Variants in ASF1A observed in about 807,000 individuals in gnomAD.
The protein encoded by ASF1A is histone chaperone ASF1A.
ASF1A carries 5 observed loss-of-function variants against 22.0 expected under a neutral mutation model. The ratio of observed to expected loss-of-function variants is 0.23; its 90% CI spans 0.12 to 0.48. The LOEUF is 0.48. ASF1A is among the 20% of genes least tolerant of loss of function. ASF1A has a pLI of 0.99. For synonymous variants in ASF1A, 97 were observed against 86.7 expected, an observed-to-expected ratio of 1.12 and a Z score of -0.66; for missense variants, 137 against 240.6, an observed-to-expected ratio of 0.57 and a Z score of 2.85.
At chr6:118,903,988 C>CA (rs1779992829) in intron 2 of ASF1A, among the ~76,000 whole-genome samples, 1 of 151,938 alleles carries the variant, frequency 6.6e-6, no homozygotes, top group Non-Finnish European at 1.5e-5. Flanking sequence ...TGGCTGGAGA[C>CA]AAACTGAGAA....
intron 1 of ASF1A, among the ~76,000 whole-genome samples, chr6:118,897,809 T>A (rs1779531973): frequency 6.6e-6 from 1 of 151,668 alleles, no homozygotes; most frequent in Non-Finnish European, 1.5e-5. Flanking sequence ...GGCAGAGGAA[T>A]TAAATGAAAG....
At chr6:118,905,879 A>G (rs1432142375) in intron 3 of ASF1A, 51 bp downstream of exon 3, 3 of 1,386,142 alleles carry the variant, frequency 2.2e-6, no homozygotes, top group Non-Finnish European at 2.9e-6. Flanking sequence ...CAATTTTTAA[A>G]GCAGTTGCTA....
intron 1 of ASF1A, among the ~76,000 whole-genome samples, chr6:118,896,525 G>C (rs574266445): frequency 6.6e-6 from 1 of 152,264 alleles, no homozygotes; most frequent in South Asian, 2.1e-4. Flanking sequence ...TTTTAACTGG[G>C]ATCCATTCAG....
Position 118,894,448 on chromosome 6 carries a change from T to C in ASF1A, c.35T>C (p.Leu12Pro). 1 of 1,537,178 alleles carries C rather than the reference T, an allele frequency of 6.5e-7. No homozygotes were observed. The highest frequency in any genetic ancestry group is 8.7e-7 in the Non-Finnish European group (1 of 1,146,822). ...GTTCAGGTGAACAATGTAGTGGTGC[T>C]GGATAACCCTTCTCCTTTCTACAAC... ...AKVQVNNVVV[L>P]DNPSPFYNPF... The change falls in exon 1 of 4, where the codon CTG becomes CCG. Residue 12 changes from leucine (L) to proline (P), a missense_variant. Around this residue, in one of 2 missense-constraint regions of ASF1A, gnomAD observed 96 missense variants for 196.7 expected, o/e 0.49. Transcript: ENST00000229595.
rs1780361595 is a variant in ASF1A, at chr6:118,909,101, TTGTC to T, written c.*1489_*1492del. ...TAAAACTATATAAAGAAAATCTCAT[TTGTC>T]TAATTGCAATTAAAAGAAAAATGTT... On this transcript the variant is annotated 3_prime_UTR_variant, in exon 4 of 4. Coordinates refer to ENST00000229595, the MANE Select transcript of ASF1A (RefSeq NM_014034.3). The T allele has an allele frequency of 6.6e-6, 1 of 152,198 alleles. No individual in the cohort carries two copies. Among genetic ancestry groups the T allele is most frequent in the African/African-American group, 2.4e-5 (1 of 41,468 alleles). 9.4% of individuals were successfully genotyped at this position (152,198 alleles called of 1,614,324 possible).
chr6:118,908,230 T>C lies in ASF1A; in HGVS notation c.*616T>C, dbSNP rs1171473715. 1.3e-5 allele frequency: 2 copies of C among 152,164 alleles called. No homozygotes were observed. The highest frequency in any genetic ancestry group is 2.9e-5 in the Non-Finnish European group (2 of 68,000). The allele number at this position is 152,164 out of a possible 1,614,324, so 9.4% of individuals were successfully genotyped here. ...TTGTTTGGTAAGAGAAGAACAAATA[T>C]GGCTAATTGTTAATAAGGTCCCCTG... On this transcript the variant is annotated 3_prime_UTR_variant, in exon 4 of 4. Transcript: ENST00000229595.
At chr6:118,899,097 C>G (rs1298238011) in intron 1 of ASF1A, among the ~76,000 whole-genome samples, 1 of 152,188 alleles carries the variant, frequency 6.6e-6, no homozygotes, top group East Asian at 1.9e-4. Context: ...ATAACTGTTG[C>G]ACAGCCCCAT....
intron 2 of ASF1A, 151 bp downstream of exon 2, chr6:118,901,032 AGTCTCTGTGTCACAGAGG>A (rs1173379613): frequency 5.1e-6 from 3 of 593,568 alleles, no homozygotes; most frequent in Non-Finnish European, 9.0e-6. Context: ...TGTTTTAGGC[AGTCTCTGTGTCACAGAGG>A]AACTCTTACT....
rs1205636228 is a variant in ASF1A, at chr6:118,909,112, C to T, written c.*1498C>T. 2.0e-5 allele frequency: 3 copies of T among 152,032 alleles called. No individual in the cohort carries two copies. In the East Asian group the frequency reaches 5.8e-4, roughly 29 times the overall value. 9.4% of individuals were successfully genotyped at this position (152,032 alleles called of 1,614,324 possible). The stretch of plus-strand genomic sequence containing the variant: ...AAAGAAAATCTCATTTGTCTAATTG[C>T]AATTAAAAGAAAAATGTTAAAATAT... On this transcript the variant is annotated 3_prime_UTR_variant, in exon 4 of 4. Transcript: ENST00000229595.
At chr6:118,902,159 GT>G (rs1779837008) in intron 2 of ASF1A, among the ~76,000 whole-genome samples, 1 of 152,154 alleles carries the variant, frequency 6.6e-6, no homozygotes, top group South Asian at 2.1e-4. Context: ...AAAGACATGG[GT>G]AACAGAATGC....
At chr6:118,899,071 G>A (rs553815140) in intron 1 of ASF1A, among the ~76,000 whole-genome samples, 83 of 152,190 alleles carry the variant, frequency 5.5e-4, no homozygotes, top group South Asian at 1.7e-3. Context: ...TTCATCTTCA[G>A]GATTTTATCC....
At chr6:118,903,555 A>T (rs1450728249) in intron 2 of ASF1A, among the ~76,000 whole-genome samples, 1 of 152,228 alleles carries the variant, frequency 6.6e-6, no homozygotes, top group East Asian at 1.9e-4. Flanking sequence ...GTTCTTAGAT[A>T]ATTTGTGACA....
chr6:118,894,313 G>T lies in ASF1A; in HGVS notation c.-101G>T. ...AGTCGCCGCTGCACGACGTCTGGCC[G>T]GCGCTGGAGCGGGGGTCTGCGCTCT... On this transcript the variant is annotated 5_prime_UTR_variant, in exon 1 of 4. Transcript: ENST00000229595. 1 of 1,500,606 alleles carries T rather than the reference G, an allele frequency of 6.7e-7. No homozygotes were observed. The highest frequency in any genetic ancestry group is 8.9e-7 in the Non-Finnish European group (1 of 1,128,080). The allele number at this position is 1,500,606 out of a possible 1,614,324, so 93.0% of individuals were successfully genotyped here.
At chr6:118,900,680 G>A (rs1025126735) in intron 1 of ASF1A, 86 bp from the exon 2 acceptor site, 2 of 941,488 alleles carry the variant, frequency 2.1e-6, no homozygotes, top group East Asian at 4.8e-5. Context: ...CCAGTAAGTG[G>A]CTAAGTGGAC....
chr6:118,894,301 C>T lies in ASF1A; in HGVS notation c.-113C>T. The T allele has an allele frequency of 6.7e-7, 1 of 1,490,390 alleles. No homozygotes were observed. The allele number at this position is 1,490,390 out of a possible 1,614,324, so 92.3% of individuals were successfully genotyped here. Reference sequence around the variant, plus strand: ...AAAAGTTTCTCAAGTCGCCGCTGCACGACGTCTGGCCGGCGCTGGAGCGGG... The same window carrying T: ...AAAAGTTTCTCAAGTCGCCGCTGCATGACGTCTGGCCGGCGCTGGAGCGGG... On this transcript the variant is annotated 5_prime_UTR_variant, in exon 1 of 4. It adds an upstream start codon to the 5' untranslated region. Coordinates refer to ENST00000229595, the MANE Select transcript of ASF1A (RefSeq NM_014034.3).
At chr6:118,895,933 A>G (rs1779369818) in intron 1 of ASF1A, among the ~76,000 whole-genome samples, 1 of 151,984 alleles carries the variant, frequency 6.6e-6, no homozygotes, top group African/African-American at 2.4e-5. Context: ...ATTGTAATAA[A>G]CTTTTAGAAA....
Position 118,894,444 on chromosome 6 carries a change from G to C in ASF1A, c.31G>C (p.Val11Leu). Residue 11 changes from valine (V) to leucine (L), a missense_variant, in exon 1 of 4, where the codon GTG (valine) becomes CTG (leucine). By Grantham distance (32) the Val-to-Leu change is conservative. This residue lies in a region of ASF1A where 96 missense variants were observed against 196.7 expected (regional missense o/e 0.49). Coordinates refer to ENST00000229595, the MANE Select transcript of ASF1A (RefSeq NM_014034.3). ...AAAGGTTCAGGTGAACAATGTAGTG[G>C]TGCTGGATAACCCTTCTCCTTTCTA... MAKVQVNNVV[V>L]LDNPSPFYNP... The C allele has an allele frequency of 6.5e-7, 1 of 1,537,154 alleles. No individual in the cohort carries two copies. The highest frequency in any genetic ancestry group is 1.2e-5 in the South Asian group (1 of 84,064).
rs545040157 is a variant in ASF1A at position 118,897,456 on chromosome 6, A to C, written c.109+2934A>C. Reference sequence around the variant, plus strand: ...CATTCTTAAATTTATATATATATATATCTTAATTACAGCTACTGTCAATTG... The same window carrying C: ...CATTCTTAAATTTATATATATATATCTCTTAATTACAGCTACTGTCAATTG... On this transcript the variant is annotated intron_variant, in intron 1 of 3. Coordinates refer to ENST00000229595, the MANE Select transcript of ASF1A (RefSeq NM_014034.3). 1.7e-4 allele frequency among the ~76,000 whole-genome samples: 26 copies of C among 151,666 alleles called. No homozygotes were observed. The Middle Eastern group carries it at 0.02, about 119-fold the overall frequency.
intron 3 of ASF1A, among the ~76,000 whole-genome samples, chr6:118,906,221 T>C (rs879320953): frequency 6.6e-6 from 1 of 152,096 alleles, no homozygotes; most frequent in Non-Finnish European, 1.5e-5. Flanking sequence ...TACAGGTGTA[T>C]ACCAACACGC....
Sources: gnomAD v4.1 joint callset for allele counts (sites outside exome capture counted in the v4.1 genomes callset) on GRCh38, gnomAD v4.1.1 for gene constraint, gnomAD v4.1.1 regional missense constraint, MANE v1.5 for transcripts, NCBI Gene and HGNC (gene_info 2026-07-23, HGNC 2026-07-21) for gene names.